Variants in IGFL2 observed in about 807,000 individuals in gnomAD.
IGFL2 encodes IGF like family member 2.
IGFL2 carries 7 observed loss-of-function variants against 13.9 expected under a neutral mutation model. The observed-to-expected ratio is 0.51, with a 90% CI of 0.29 to 0.95. The LOEUF (loss-of-function observed/expected upper bound fraction) is 0.95, where lower values mean the gene tolerates loss of function less well. Among genes scored for constraint, IGFL2 ranks in the 40% least tolerant of loss-of-function variants. IGFL2 has a pLI of 0.08. For synonymous variants in IGFL2, 55 were observed against 55.8 expected, an observed-to-expected ratio of 0.99 and a Z score of 0.07; for missense variants, 138 against 147.8, an observed-to-expected ratio of 0.93 and a Z score of 0.34.
At chr19:46,152,932 G>T (rs1053465442) in intron 1 of IGFL2, among the ~76,000 whole-genome samples, 2 of 152,128 alleles carry the variant, frequency 1.3e-5, no homozygotes, top group Admixed American at 6.5e-5. Context: ...AGAGAATTAC[G>T]TGTCTCCCTC....
chr19:46,152,756 A>T (rs908988774), intron 1 of IGFL2, among the ~76,000 whole-genome samples: 29 of 152,192 alleles, frequency 1.9e-4, no homozygotes, highest in African/African-American at 6.8e-4. Context: ...CCCTGATATT[A>T]GGGGGAAAGT....
At chr19:46,148,014 G>A (rs978510904), upstream of IGFL2, 1 of 411,576 alleles carries the variant, frequency 2.4e-6, no homozygotes. Context: ...GGCTTTGAAA[G>A]GTTCTAGGGA....
At chr19:46,182,578 T>G in the IGFL2 span, among the ~76,000 whole-genome samples, 1 of 152,176 alleles carries the variant, frequency 6.6e-6, no homozygotes, top group Non-Finnish European at 1.5e-5. Context: ...CTGAGTTGAT[T>G]GAGGCATAAT....
the IGFL2 span, among the ~76,000 whole-genome samples, chr19:46,166,994 C>G: frequency 6.6e-6 from 1 of 152,172 alleles, no homozygotes; most frequent in South Asian, 2.1e-4. Context: ...CCTCAACTGA[C>G]AGGATTAAGA....
upstream of IGFL2, among the ~76,000 whole-genome samples, chr19:46,139,879 TTATATGTG>T (rs1259933539): frequency 1.3e-5 from 2 of 152,164 alleles, no homozygotes; most frequent in East Asian, 3.9e-4. Context: ...GTGTATATAT[TTATATGTG>T]TATATGTATA....
At chr19:46,134,357 G>A in the IGFL2 span, among the ~76,000 whole-genome samples, 1 of 152,170 alleles carries the variant, frequency 6.6e-6, no homozygotes, top group Non-Finnish European at 1.5e-5. Context: ...ATGGACAAAG[G>A]AGGAGGGGGA....
chr19:46,094,034 ATTTTTTTTTTT>A, the IGFL2 span, among the ~76,000 whole-genome samples: 1 of 114,228 alleles, frequency 8.8e-6, no homozygotes, highest in African/African-American at 3.3e-5. Context: ...GCCTTGGAGG[ATTTTTTTTTTT>A]TTTTTTTTTT....
upstream of IGFL2, chr19:46,143,145 C>T (rs1972934501): frequency 6.6e-6 from 1 of 152,422 alleles, no homozygotes; most frequent in Non-Finnish European, 1.5e-5. Context: ...TCTTCTTCCT[C>T]ATCACCCTCA....
chr19:46,110,949 TA>T, the IGFL2 span: 1 of 152,230 alleles, frequency 6.6e-6, no homozygotes, highest in Non-Finnish European at 1.5e-5. Context: ...GGAGCTTTGT[TA>T]TTTTTTTAAA....
At chr19:46,111,768 C>T in the IGFL2 span, 1 of 152,170 alleles carries the variant, frequency 6.6e-6, no homozygotes, top group Non-Finnish European at 1.5e-5. Context: ...GTAGCTGAGA[C>T]TGGTGTTAAT....
chr19:46,085,256 GAAAAC>G, the IGFL2 span, among the ~76,000 whole-genome samples: 3 of 152,010 alleles, frequency 2.0e-5, no homozygotes, highest in Admixed American at 6.6e-5. Context: ...AACACCAAAA[GAAAAC>G]AAAACAAAAC....
At chr19:46,111,139 A>G in the IGFL2 span, 2 of 152,732 alleles carry the variant, frequency 1.3e-5, no homozygotes, top group Middle Eastern at 3.1e-3. Context: ...TATAGCCAGA[A>G]CATTATAAAA....
intron 1 of IGFL2, among the ~76,000 whole-genome samples, chr19:46,155,052 T>C (rs1568428834): frequency 6.6e-6 from 1 of 152,078 alleles, no homozygotes; most frequent in African/African-American, 2.4e-5. Context: ...CTGCTCCTCT[T>C]CTCGGTTTGC....
chr19:46,149,025 A>G (rs1198758198), intron 1 of IGFL2: 1 of 1,605,870 alleles, frequency 6.2e-7, no homozygotes, highest in South Asian at 1.1e-5. Flanking sequence ...CGACTACCCC[A>G]GGAGTGTGCT....
chr19:46,136,096 G>T, the IGFL2 span, among the ~76,000 whole-genome samples: 1 of 152,140 alleles, frequency 6.6e-6, no homozygotes, highest in Non-Finnish European at 1.5e-5. Flanking sequence ...GTATCTCAGA[G>T]GAGTTATCTG....
At chr19:46,184,264 CTT>C in the IGFL2 span, among the ~76,000 whole-genome samples, 2 of 150,548 alleles carry the variant, frequency 1.3e-5, no homozygotes, top group African/African-American at 4.9e-5. Context: ...TTTCCTTTTT[CTT>C]TTTTTTTTCT....
At chr19:46,199,158 G>T in the IGFL2 span, among the ~76,000 whole-genome samples, 1 of 152,276 alleles carries the variant, frequency 6.6e-6, no homozygotes, top group South Asian at 2.1e-4. Context: ...GTGGACTGGA[G>T]TTCAGGAGAC....
At chr19:46,161,018 A>G in intron 3 of IGFL2, 52 bp from the exon 4 acceptor site, 1 of 1,563,014 alleles carries the variant, frequency 6.4e-7, no homozygotes, top group Non-Finnish European at 8.7e-7. Flanking sequence ...AAATATTTTC[A>G]GTTATCTCCT....
the IGFL2 span, among the ~76,000 whole-genome samples, chr19:46,118,574 A>T: frequency 1.3e-5 from 2 of 152,208 alleles, no homozygotes; most frequent in African/African-American, 4.8e-5. Context: ...ATGTTGCTCC[A>T]GAAAGGGAAC....
Sources: gnomAD v4.1 joint callset for allele counts (sites outside exome capture counted in the v4.1 genomes callset) on GRCh38, gnomAD v4.1.1 for gene constraint, MANE v1.5 for transcripts, NCBI Gene and HGNC (gene_info 2026-07-23, HGNC 2026-07-21) for gene names.